Variants in CRYZ observed in about 807,000 individuals in gnomAD.
CRYZ encodes crystallin zeta, also known as zeta-crystallin.
CRYZ carries 35 observed loss-of-function variants against 34.1 expected under a neutral mutation model. That is an observed-to-expected ratio of 1.03 (90% CI 0.78 to 1.36). CRYZ has a LOEUF of 1.36. Ranked by LOEUF, CRYZ falls within the 40% of genes most tolerant of loss-of-function variation. The pLI, the probability that CRYZ is intolerant of heterozygous loss-of-function variation, is 0.00. For missense variants in CRYZ, 403 were observed against 391.8 expected, an observed-to-expected ratio of 1.03 and a Z score of -0.24; for synonymous variants, 137 against 136.5, an observed-to-expected ratio of 1.00 and a Z score of -0.03.
At chr1:74,723,353 G>T in intron 2 of CRYZ, 83 bp from the exon 3 acceptor site, 1 of 1,353,198 alleles carries the variant, frequency 7.4e-7, no homozygotes, top group Non-Finnish European at 1.0e-6. Context: ...GATTATGGGA[G>T]CTATCAAAAT....
intron 5 of CRYZ, among the ~76,000 whole-genome samples, chr1:74,711,137 G>C (rs1339118953): frequency 6.6e-6 from 1 of 152,154 alleles, no homozygotes. Context: ...GTCTCAGGGA[G>C]GGGCGTGTAC....
chr1:74,706,914 G>A lies in CRYZ; in HGVS notation c.813C>T (p.Leu271=). The A allele has an allele frequency of 6.2e-7, 1 of 1,612,658 alleles. No homozygotes were observed. Among genetic ancestry groups the A allele is most frequent in the Non-Finnish European group, 8.5e-7 (1 of 1,179,022 alleles). ...AKESSIIGVT[L]FSSTKEEFQQ... ...CTTTTCCTACCTTGGTTGAGGAAAA[G>A]AGAGTAACTCCAATTATACTCGACT... Residue 271 remains leucine (L), a synonymous_variant, in exon 8 of 9, where the codon CTC becomes CTT. Transcript: ENST00000340866.
Position 74,706,426 on chromosome 1 carries a change from T to C in CRYZ, c.860A>G (p.Gln287Arg), listed in dbSNP as rs1269289075. The change falls in exon 9 of 9, where the codon CAA (glutamine) becomes CGA (arginine). Residue 287 changes from glutamine to arginine, a missense_variant. Physicochemically the swap from Gln to Arg is conservative, Grantham distance 43 (BLOSUM62 1). Transcript: ENST00000340866. Reference sequence around the variant, plus strand: ...CAACCAGCCAATTTCCATTCCAGCTTGAAGGGCTGCTGCATATTGCTGAAA... The same window carrying C: ...CAACCAGCCAATTTCCATTCCAGCTCGAAGGGCTGCTGCATATTGCTGAAA... ...EEFQQYAAAL[Q>R]AGMEIGWLKP... The C allele has an allele frequency of 6.2e-7, 1 of 1,610,590 alleles. No homozygotes were observed.
chr1:74,706,878 C>A, intron 8 of CRYZ, 21 bp downstream of exon 8: 1 of 1,599,102 alleles, frequency 6.3e-7, no homozygotes, highest in South Asian at 1.1e-5. Context: ...TTACCAAAAT[C>A]AGAAGTACTT....
intron 5 of CRYZ, 40 bp from the exon 6 acceptor site, chr1:74,710,287 C>T: frequency 6.2e-7 from 1 of 1,601,586 alleles, no homozygotes; most frequent in Non-Finnish European, 8.5e-7. Context: ...ATATTCTCTA[C>T]ACTCCTGTAA....
At chr1:74,710,351 T>C in intron 5 of CRYZ, 104 bp from the exon 6 acceptor site, 2 of 1,004,568 alleles carry the variant, frequency 2.0e-6, no homozygotes, top group Non-Finnish European at 2.8e-6. Context: ...ACCCTAACTT[T>C]AAGGAACTTA....
intron 1 of CRYZ, among the ~76,000 whole-genome samples, chr1:74,729,946 T>A (rs941072478): frequency 6.6e-5 from 10 of 151,806 alleles, no homozygotes; most frequent in African/African-American, 2.4e-4. Flanking sequence ...CTAGCTTCTG[T>A]AAGCTGGGTG....
At chr1:74,724,867 A>G (rs1207002264) in intron 1 of CRYZ, 33 bp from the exon 2 acceptor site, 14 of 1,261,376 alleles carry the variant, frequency 1.1e-5, no homozygotes, top group Non-Finnish European at 1.6e-5. Context: ...GTATTGTCAC[A>G]TTGTATCTAG....
intron 3 of CRYZ, among the ~76,000 whole-genome samples, chr1:74,722,842 T>A (rs1057162556): frequency 1.3e-5 from 2 of 152,168 alleles, no homozygotes; most frequent in Non-Finnish European, 2.9e-5. Context: ...TTTCCTTACA[T>A]ATTTCTATTA....
rs752243991 is a variant in CRYZ at position 74,724,730 on chromosome 1, G to A, written c.92C>T (p.Pro31Leu). 3.2e-5 allele frequency: 51 copies of A among 1,607,088 alleles called. No homozygotes were observed. Among genetic ancestry groups the A allele is most frequent in the South Asian group, 1.7e-4 (15 of 90,136 alleles). The change falls in exon 2 of 9, where the codon CCG (proline) becomes CTG (leucine). Residue 31 changes from proline (P) to leucine (L), a missense_variant. Physicochemically the swap from Pro to Leu is moderately conservative, Grantham distance 98 (BLOSUM62 -3). Coordinates refer to ENST00000340866, the MANE Select transcript of CRYZ (RefSeq NM_001889.4). ...TTCTACCTGATGGTCTTTTGGAATC[G>A]GTACTGCAATATCTGATCGCAATTT... ...VLKLRSDIAV[P>L]IPKDHQVLIK...
intron 1 of CRYZ, among the ~76,000 whole-genome samples, chr1:74,731,584 G>A (rs1647742454): frequency 6.6e-6 from 1 of 152,150 alleles, no homozygotes; most frequent in Non-Finnish European, 1.5e-5. Flanking sequence ...GAGATAGGAC[G>A]GGGTAAGAAG....
intron 4 of CRYZ, among the ~76,000 whole-genome samples, chr1:74,717,258 A>C (rs1647090328): frequency 6.6e-6 from 1 of 151,666 alleles, no homozygotes; most frequent in Non-Finnish European, 1.5e-5. Flanking sequence ...TTTTTTCCAC[A>C]TACTCTCCTC....
chr1:74,730,503 G>A (rs549682822), intron 1 of CRYZ: 5 of 152,214 alleles, frequency 3.3e-5, no homozygotes, highest in Admixed American at 1.3e-4. Context: ...CTGTAATACC[G>A]GATTTCTTCT....
chr1:74,722,305 G>T (rs961513206), intron 3 of CRYZ, among the ~76,000 whole-genome samples: 1 of 152,112 alleles, frequency 6.6e-6, no homozygotes, highest in Non-Finnish European at 1.5e-5. Context: ...AAATGTCACA[G>T]AGAAATCAAG....
intron 3 of CRYZ, among the ~76,000 whole-genome samples, chr1:74,719,861 A>G (rs758308878): frequency 2.6e-5 from 4 of 152,100 alleles, no homozygotes; most frequent in African/African-American, 9.7e-5. Flanking sequence ...AAGAAAATCT[A>G]AGGAAAACAG....
At chr1:74,731,183 T>G (rs957884193) in intron 1 of CRYZ, among the ~76,000 whole-genome samples, 2 of 152,190 alleles carry the variant, frequency 1.3e-5, no homozygotes, top group Non-Finnish European at 2.9e-5. Context: ...ATCTAGGAAA[T>G]AGAAAATCTA....
intron 4 of CRYZ, among the ~76,000 whole-genome samples, chr1:74,716,216 G>T (rs1462815203): frequency 1.3e-5 from 2 of 151,904 alleles, no homozygotes; most frequent in African/African-American, 2.4e-5. Flanking sequence ...GTGTGTGTGT[G>T]TATGTGTACA....
At position 74,719,312 on chromosome 1, in the gene CRYZ, C is replaced by G. The variant is rs750607276; in HGVS notation, c.325G>C (p.Ala109Pro). ...AGTTTGTAAACAGTGTGGTCTGCTG[C>G]AAGAGCATACTCTGCATAACCCCCA... Reference protein sequence around the residue: ...ISGGYAEYALAADHTVYKLPE... With the variant: ...ISGGYAEYALPADHTVYKLPE... The change falls in exon 4 of 9, where the codon GCA becomes CCA. Residue 109 changes from alanine to proline, a missense_variant. By Grantham distance (27) the Ala-to-Pro change is conservative (BLOSUM62 -1). Transcript: ENST00000340866. 3.1e-6 allele frequency: 5 copies of G among 1,613,772 alleles called. No individual in the cohort carries two copies. Among genetic ancestry groups the G allele is most frequent in the Non-Finnish European group, 4.2e-6 (5 of 1,179,722 alleles).
chr1:74,715,804 T>C (rs933815731), intron 4 of CRYZ, among the ~76,000 whole-genome samples: 1 of 152,020 alleles, frequency 6.6e-6, no homozygotes, highest in Admixed American at 6.6e-5. Flanking sequence ...AATCCCCTCC[T>C]GAATCCTTGC....
Sources: allele counts gnomAD v4.1 joint callset (sites outside exome capture counted in the v4.1 genomes callset), GRCh38; gene constraint gnomAD v4.1.1; transcripts MANE v1.5; gene names NCBI Gene and HGNC (gene_info 2026-07-23, HGNC 2026-07-21).